CMIP: variants seen among roughly 807,000 people sequenced by gnomAD.
CMIP encodes the protein C-Maf-inducing protein.
A neutral mutation model predicts 97.3 loss-of-function variants in CMIP; 13 were observed. The observed-to-expected ratio is 0.13, with a 90% CI of 0.09 to 0.21. The LOEUF (loss-of-function observed/expected upper bound fraction) is 0.21. Among genes scored for constraint, CMIP ranks in the 10% least tolerant of loss-of-function variants. CMIP has a pLI of 1.00. For synonymous variants in CMIP, 538 were observed against 436.3 expected (o/e 1.23, Z -2.91); for missense variants, 847 against 1,024.9 (o/e 0.83, Z 2.37).
In CMIP at chr16:81,460,687, T is replaced by C. The variant is rs1906848622; in HGVS notation, c.300+15146T>C. ...GGACCCTGGCTGATGCACCAGGAGCTTGAGGAGATGGAGTGGTGTTCAGAG... is the reference window on the plus strand; with the variant it reads ...GGACCCTGGCTGATGCACCAGGAGCCTGAGGAGATGGAGTGGTGTTCAGAG... On this transcript the variant is annotated intron_variant, in intron 1 of 20. Transcript: ENST00000537098. 2.0e-5 allele frequency among the ~76,000 whole-genome samples: 3 copies of C among 152,270 alleles called. No homozygotes were observed. In the South Asian group the frequency reaches 6.2e-4, roughly 32 times the overall value.
At chr16:81,609,774 A>G (rs1423511087) in intron 2 of CMIP, among the ~76,000 whole-genome samples, 2 of 152,230 alleles carry the variant, frequency 1.3e-5, no homozygotes, top group Admixed American at 6.5e-5. Flanking sequence ...AAGCCTGAAT[A>G]TGGGGGACCT....
intron 14 of CMIP, chr16:81,696,908 C>T (rs1296280187): frequency 7.0e-6 from 4 of 571,492 alleles, no homozygotes; most frequent in Non-Finnish European, 1.2e-5. Flanking sequence ...TCAGCTCTCA[C>T]AGCACAGTGA....
intron 1 of CMIP, among the ~76,000 whole-genome samples, chr16:81,599,571 T>C (rs1432377517): frequency 6.6e-6 from 1 of 152,180 alleles, no homozygotes; most frequent in Non-Finnish European, 1.5e-5. Context: ...TGGTCCCAGC[T>C]CCTTTCTCAT....
chr16:81,502,384 A>G (rs775790608), intron 1 of CMIP, among the ~76,000 whole-genome samples: 5 of 152,190 alleles, frequency 3.3e-5, no homozygotes, highest in East Asian at 1.9e-4. Context: ...ATTCAGGACA[A>G]TCCTGGGGAC....
intron 17 of CMIP, among the ~76,000 whole-genome samples, chr16:81,703,688 C>A (rs914684327): frequency 6.6e-6 from 1 of 152,038 alleles, no homozygotes; most frequent in African/African-American, 2.4e-5. Context: ...GGGTGTGAGT[C>A]ACAGCACTGG....
At chr16:81,648,495 A>G (rs567246120) in intron 3 of CMIP, among the ~76,000 whole-genome samples, 1 of 152,252 alleles carries the variant, frequency 6.6e-6, no homozygotes, top group South Asian at 2.1e-4. Context: ...AGAAGCCCTG[A>G]AGAGTTGGCC....
At chr16:81,467,179 AC>A (rs1242376740) in intron 1 of CMIP, among the ~76,000 whole-genome samples, 1 of 152,100 alleles carries the variant, frequency 6.6e-6, no homozygotes, top group African/African-American at 2.4e-5. Flanking sequence ...CTGGACGTGG[AC>A]CCATGTTTGT....
At chr16:81,682,862 A>G (rs1337023231) in intron 10 of CMIP, among the ~76,000 whole-genome samples, 7 of 152,230 alleles carry the variant, frequency 4.6e-5, no homozygotes, top group Admixed American at 6.5e-5. Flanking sequence ...CTTGAAAAGG[A>G]AAACTATTCC....
Position 81,660,925 on chromosome 16 carries a change from T to C in CMIP, c.723T>C (p.Asp241=), listed in dbSNP as rs778056627. 1.2e-6 allele frequency: 2 copies of C among 1,613,980 alleles called. No homozygotes were observed. The highest frequency in any genetic ancestry group is 3.3e-5 in the Admixed American group (2 of 60,022). ...PLLENNHPPP[D]LCEFFCKHCR... ...TGGAAAACAACCACCCACCACCAGATCTCTGTGAATTCTTTTGCAAGGTAC... is the reference window on the plus strand; with the variant it reads ...TGGAAAACAACCACCCACCACCAGACCTCTGTGAATTCTTTTGCAAGGTAC... Residue 241 remains aspartate (D), a synonymous_variant, in exon 6 of 21, where the codon GAT becomes GAC. Transcript: ENST00000537098.
intron 3 of CMIP, among the ~76,000 whole-genome samples, chr16:81,642,130 C>T (rs906239612): frequency 6.6e-6 from 1 of 152,270 alleles, no homozygotes; most frequent in African/African-American, 2.4e-5. Context: ...TGTCACTCGT[C>T]ATTCATCAGA....
At chr16:81,493,738 C>T (rs890392160) in intron 1 of CMIP, among the ~76,000 whole-genome samples, 4 of 152,330 alleles carry the variant, frequency 2.6e-5, no homozygotes, top group East Asian at 3.9e-4. Flanking sequence ...CTAACATACA[C>T]GAAGCAACAC....
chr16:81,605,001 G>A (rs1421972025), intron 1 of CMIP, among the ~76,000 whole-genome samples: 1 of 152,156 alleles, frequency 6.6e-6, no homozygotes, highest in Non-Finnish European at 1.5e-5. Context: ...TGTTCCCACA[G>A]TATATAAACA....
chr16:81,516,312 G>A (rs976113902), intron 1 of CMIP, among the ~76,000 whole-genome samples: 5 of 152,092 alleles, frequency 3.3e-5, no homozygotes, highest in African/African-American at 9.7e-5. Context: ...ACATGGAATC[G>A]CGCTTCTCTC....
intron 1 of CMIP, among the ~76,000 whole-genome samples, chr16:81,497,719 G>T (rs1402337585): frequency 6.6e-6 from 1 of 152,240 alleles, no homozygotes; most frequent in African/African-American, 2.4e-5. Flanking sequence ...TTCTGAATTG[G>T]TGCTAAAGGC....
intron 1 of CMIP, among the ~76,000 whole-genome samples, chr16:81,534,535 A>G (rs1467120064): frequency 6.6e-6 from 1 of 152,050 alleles, no homozygotes; most frequent in Non-Finnish European, 1.5e-5. Context: ...TAGAAGTTAT[A>G]TATTTTTCTG....
intron 13 of CMIP, chr16:81,696,240 G>T (rs1487148461): frequency 2.3e-5 from 10 of 433,032 alleles, no homozygotes; most frequent in Admixed American, 4.0e-5. Context: ...ATTGTGGGCG[G>T]TTGCTCTGGG....
At chr16:81,555,245 C>T (rs910804746) in intron 1 of CMIP, among the ~76,000 whole-genome samples, 2 of 152,182 alleles carry the variant, frequency 1.3e-5, no homozygotes, top group African/African-American at 2.4e-5. Flanking sequence ...GGAGGGGAAA[C>T]GTGATGGTGT....
chr16:81,614,913 G>T lies in CMIP; in HGVS notation c.427-5963G>T, dbSNP rs1382004788. On this transcript the variant is annotated intron_variant, in intron 2 of 20. Coordinates refer to ENST00000537098, the MANE Select transcript of CMIP (RefSeq NM_198390.3). The surrounding 1 kb of genome is among the most constrained non-coding windows in gnomAD (Gnocchi z 5.3). The stretch of plus-strand genomic sequence containing the variant: ...TGTGTGTGTCCTGTGTCTATATGTG[G>T]TGTGCATAGTGTGTATCTCTGTGTG... Among the ~76,000 whole-genome samples, 1 of 151,068 alleles carries T rather than the reference G, an allele frequency of 6.6e-6. No individual in the cohort carries two copies. Among genetic ancestry groups the T allele is most frequent in the Non-Finnish European group, 1.5e-5 (1 of 67,706 alleles).
chr16:81,470,927 G>T (rs187225590), intron 1 of CMIP, among the ~76,000 whole-genome samples: 35 of 152,324 alleles, frequency 2.3e-4, no homozygotes, highest in Non-Finnish European at 4.1e-4. Flanking sequence ...TGTTATGATT[G>T]GTGTACATAC....
Sources: allele counts gnomAD v4.1 joint callset (sites outside exome capture counted in the v4.1 genomes callset), GRCh38; gene constraint gnomAD v4.1.1; non-coding constraint Gnocchi (gnomAD v3.1); transcripts MANE v1.5; gene names NCBI Gene and HGNC (gene_info 2026-07-23, HGNC 2026-07-21).